ZNF423: variants seen among roughly 807,000 people sequenced by gnomAD.
ZNF423 encodes the protein zinc finger protein 423, also known as Ebf-associated zinc finger protein.
In ZNF423, 12 loss-of-function variants were observed where a neutral mutation model predicts 95.8. The observed-to-expected ratio is 0.13, with a 90% CI of 0.08 to 0.20. The LOEUF (loss-of-function observed/expected upper bound fraction) is 0.20. ZNF423 is among the 10% of genes least tolerant of loss of function. The pLI, the probability that ZNF423 is intolerant of heterozygous loss-of-function variation, is 1.00. For synonymous variants in ZNF423, 749 were observed against 711.9 expected (o/e 1.05, Z -0.83); for missense variants, 1,316 against 1,737.1 (o/e 0.76, Z 4.31).
intron 1 of ZNF423, among the ~76,000 whole-genome samples, chr16:49,849,616 T>G (rs2035280639): frequency 6.6e-6 from 1 of 152,068 alleles, no homozygotes; most frequent in Non-Finnish European, 1.5e-5. Flanking sequence ...AACCAGAGTG[T>G]GTTTGCCTAG....
chr16:49,488,115 G>A lies in ZNF423; in HGVS notation c.*3160C>T, dbSNP rs1966872587. On this transcript the variant is annotated 3_prime_UTR_variant, in exon 8 of 8. Transcript: ENST00000563137. The stretch of plus-strand genomic sequence containing the variant: ...TTGCTGAATGGATGAGTAGAGGAAG[G>A]GATGGATTTGAGTTTTGGTCCTATT... 6.6e-6 allele frequency: 1 copy of A among 152,276 alleles called. No homozygotes were observed. The highest frequency in any genetic ancestry group is 6.5e-5 in the Admixed American group (1 of 15,290). The allele number at this position is 152,276 out of a possible 1,614,324, so 9.4% of individuals were successfully genotyped here. A position where few individuals can be genotyped will look rare whatever the true frequency, so the allele number is the denominator to read the frequency against.
chr16:49,633,636 C>T (rs553331551), intron 4 of ZNF423, among the ~76,000 whole-genome samples: 2 of 152,304 alleles, frequency 1.3e-5, no homozygotes, highest in East Asian at 1.9e-4. Flanking sequence ...GGCCACCTGA[C>T]TCCAAGGCCA....
chr16:49,718,584 T>C lies in ZNF423; in HGVS notation c.301+12187A>G, dbSNP rs2032775814. On this transcript the variant is annotated intron_variant, in intron 3 of 7. Coordinates refer to ENST00000563137, the MANE Select transcript of ZNF423 (RefSeq NM_001379286.1). Reference sequence around the variant, plus strand: ...AGCTCTGTCTTAAGTCTGTTCAGGCTCATATAACAACAATACCAGAAACTG... The same window carrying C: ...AGCTCTGTCTTAAGTCTGTTCAGGCCCATATAACAACAATACCAGAAACTG... 2.6e-5 allele frequency among the ~76,000 whole-genome samples: 4 copies of C among 152,302 alleles called. No homozygotes were observed. In the South Asian group the frequency reaches 8.3e-4, roughly 32 times the overall value.
chr16:49,498,946 A>T (rs1346254809), intron 7 of ZNF423, among the ~76,000 whole-genome samples: 2 of 152,160 alleles, frequency 1.3e-5, no homozygotes, highest in Non-Finnish European at 1.5e-5. Context: ...CTCAGAACAC[A>T]ATTTAGCTAA....
At chr16:49,602,918 G>T (rs1371671686) in intron 5 of ZNF423, among the ~76,000 whole-genome samples, 1 of 152,220 alleles carries the variant, frequency 6.6e-6, no homozygotes, top group Non-Finnish European at 1.5e-5. Flanking sequence ...AACCCCAAAG[G>T]TTAACAGCGG....
intron 2 of ZNF423, among the ~76,000 whole-genome samples, chr16:49,751,170 C>G (rs2033627516): frequency 6.6e-6 from 1 of 152,208 alleles, no homozygotes; most frequent in African/African-American, 2.4e-5. Flanking sequence ...ACATACAAGA[C>G]TGTTTGACAG....
At chr16:49,569,324 G>A (rs1357464886) in intron 5 of ZNF423, among the ~76,000 whole-genome samples, 13 of 152,202 alleles carry the variant, frequency 8.5e-5, no homozygotes, top group Admixed American at 2.0e-4. Flanking sequence ...GTCAACATAC[G>A]AATCCTCCAA....
intron 2 of ZNF423, among the ~76,000 whole-genome samples, chr16:49,749,048 G>A (rs995535288): frequency 3.3e-5 from 5 of 152,154 alleles, no homozygotes; most frequent in African/African-American, 1.2e-4. Flanking sequence ...CATCTCCACG[G>A]CATTAAATAA....
At chr16:49,511,327 C>T (rs924391040) in intron 7 of ZNF423, among the ~76,000 whole-genome samples, 15 of 152,302 alleles carry the variant, frequency 9.8e-5, no homozygotes, top group African/African-American at 3.6e-4. Flanking sequence ...CTTCGAGACC[C>T]TGCACCCAGA....
At chr16:49,850,066 G>GCCA (rs1190658533) in intron 1 of ZNF423, among the ~76,000 whole-genome samples, 1 of 152,222 alleles carries the variant, frequency 6.6e-6, no homozygotes, top group Non-Finnish European at 1.5e-5. Flanking sequence ...CTTAAAGACA[G>GCCA]CCACATGGAG....
intron 3 of ZNF423, among the ~76,000 whole-genome samples, chr16:49,679,973 G>T (rs562374025): frequency 6.6e-6 from 1 of 152,158 alleles, no homozygotes; most frequent in South Asian, 2.1e-4. Context: ...TACCCACTTC[G>T]GGTCTCCTGA....
At position 49,663,995 on chromosome 16, in the gene ZNF423, G is replaced by A. The variant is rs377218710; in HGVS notation, c.302-25121C>T. ...CCAACGCGCCGGGAGCCTCTAAGGG[G>A]ACTCGGCGTTCCGGTGCAGACACCA... On this transcript the variant is annotated intron_variant, in intron 3 of 7. Transcript: ENST00000563137. 8.0e-5 allele frequency: 71 copies of A among 884,436 alleles called. 1 individual carries two copies. The African/African-American group carries it at 1.2e-3, about 15-fold the overall frequency. 54.8% of individuals were successfully genotyped at this position (884,436 alleles called of 1,614,324 possible). A position where few individuals can be genotyped will look rare whatever the true frequency, so the allele number is the denominator to read the frequency against.
intron 2 of ZNF423, among the ~76,000 whole-genome samples, chr16:49,768,970 G>A (rs1339810127): frequency 6.6e-6 from 1 of 152,118 alleles, no homozygotes; most frequent in Non-Finnish European, 1.5e-5. Context: ...CACAGCCCCA[G>A]CCACCAGCTG....
intron 3 of ZNF423, among the ~76,000 whole-genome samples, chr16:49,718,406 A>G (rs562274231): frequency 1.3e-5 from 2 of 152,286 alleles, no homozygotes; most frequent in East Asian, 3.9e-4. Flanking sequence ...ACTCTGTCTC[A>G]AAAATAAAAG....
chr16:49,747,767 T>C (rs1305323492), intron 2 of ZNF423, among the ~76,000 whole-genome samples: 1 of 152,180 alleles, frequency 6.6e-6, no homozygotes, highest in Non-Finnish European at 1.5e-5. Flanking sequence ...GAATTTTAGA[T>C]GGAGAAGGCA....
At chr16:49,649,059 G>A (rs190913629) in intron 3 of ZNF423, among the ~76,000 whole-genome samples, 1 of 152,268 alleles carries the variant, frequency 6.6e-6, no homozygotes, top group Admixed American at 6.5e-5. Context: ...AAAGGACAGA[G>A]AGAGTACAGG....
At chr16:49,652,360 A>G (rs1973440511) in intron 3 of ZNF423, among the ~76,000 whole-genome samples, 1 of 152,094 alleles carries the variant, frequency 6.6e-6, no homozygotes, top group African/African-American at 2.4e-5. Context: ...GGGGAAAAAA[A>G]AAAAGCCAGT....
intron 3 of ZNF423, 93 bp downstream of exon 3, chr16:49,730,678 T>C (rs905062102): frequency 7.6e-7 from 1 of 1,319,820 alleles, no homozygotes; most frequent in Non-Finnish European, 1.1e-6. Flanking sequence ...ATTACATTAT[T>C]AATTCTTTAA....
At chr16:49,585,176 C>A (rs539787006) in intron 5 of ZNF423, among the ~76,000 whole-genome samples, 5 of 152,212 alleles carry the variant, frequency 3.3e-5, no homozygotes, top group African/African-American at 1.2e-4. Context: ...TCCCCCAAGA[C>A]CCCCTCAGGG....
Sources: allele counts gnomAD v4.1 joint callset (sites outside exome capture counted in the v4.1 genomes callset), GRCh38; gene constraint gnomAD v4.1.1; transcripts MANE v1.5; gene names NCBI Gene and HGNC (gene_info 2026-07-23, HGNC 2026-07-21).